Variants in MIA2 observed in about 807,000 individuals in gnomAD.
MIA2 encodes MIA SH3 domain ER export factor 2.
MIA2 carries 127 observed loss-of-function variants against 167.8 expected under a neutral mutation model. The ratio of observed to expected loss-of-function variants is 0.76; its 90% CI spans 0.66 to 0.88. The LOEUF is 0.88. Ranked by LOEUF, MIA2 falls within the 40% of genes least tolerant of loss-of-function variation. The pLI is 0.00. For synonymous variants in MIA2, 552 were observed against 541.9 expected (o/e 1.02, Z -0.26); for missense variants, 1,690 against 1,624.7 (o/e 1.04, Z -0.69).
rs750487896 is a variant in MIA2 at position 39,308,491 on chromosome 14, C to T, written c.2921C>T (p.Ser974Leu). 2.6e-6 allele frequency: 4 copies of T among 1,568,060 alleles called. No homozygotes were observed. The African/African-American group carries it at 5.5e-5, about 22-fold the overall frequency. Residue 974 changes from serine (S) to leucine (L), a missense_variant, in exon 18 of 29, where the codon TCA (serine) becomes TTA (leucine). Ser to Leu is a moderately radical substitution (Grantham distance 145, BLOSUM62 -2). Transcript: ENST00000640607. ...CAGACTGAACAAGCATCTTTGCAGT[C>T]AGAAAACACACATTTTGAAAATGAG... ...NLQTEQASLQ[S>L]ENTHFENENQ...
At chr14:39,384,518 T>A (rs955123086) in intron 23 of MIA2, among the ~76,000 whole-genome samples, 1 of 152,222 alleles carries the variant, frequency 6.6e-6, no homozygotes, top group African/African-American at 2.4e-5. Context: ...AATTTTTTTT[T>A]AAGTTCAATG....
chr14:39,238,362 G>A (rs538593338), intron 2 of MIA2, among the ~76,000 whole-genome samples: 4 of 151,548 alleles, frequency 2.6e-5, no homozygotes, highest in East Asian at 2.0e-4. Flanking sequence ...TAGTAGTGAC[G>A]GGGTTTCACC....
intron 6 of MIA2, chr14:39,266,539 A>T: frequency 1.0e-6 from 1 of 985,516 alleles, no homozygotes; most frequent in Non-Finnish European, 1.2e-6. Flanking sequence ...TAAGCGAGGA[A>T]ACCAGATCGA....
At chr14:39,309,405 G>A (rs960637429) in intron 18 of MIA2, among the ~76,000 whole-genome samples, 8 of 152,170 alleles carry the variant, frequency 5.3e-5, no homozygotes, top group African/African-American at 1.9e-4. Context: ...GCTTATTCAT[G>A]TTCTTTTTCC....
rs531164247 is a variant in MIA2, at chr14:39,360,228, G to C, written c.2248+11251G>C. Among the ~76,000 whole-genome samples the C allele has an allele frequency of 7.2e-5, 11 of 152,220 alleles. No homozygotes were observed. In the East Asian group the frequency reaches 1.9e-3, roughly 27 times the overall value. On this transcript the variant is annotated intron_variant, in intron 23 of 23. Coordinates refer to the MIA2 transcript ENST00000341502. ...GAGGGATGAGAATCATTTGAACCTGGGAGGCAGAGGTTGCAGTGAGCCAAG... is the reference window on the plus strand; with the variant it reads ...GAGGGATGAGAATCATTTGAACCTGCGAGGCAGAGGTTGCAGTGAGCCAAG...
intron 6 of MIA2, chr14:39,267,546 T>TA (rs751537355): frequency 6.2e-7 from 1 of 1,611,716 alleles, no homozygotes; most frequent in Non-Finnish European, 8.5e-7. Flanking sequence ...CGATGAGTGT[T>TA]ACGTGGCCCA....
chr14:39,309,800 T>TAA (rs2063911574), intron 18 of MIA2, among the ~76,000 whole-genome samples: 1 of 152,216 alleles, frequency 6.6e-6, no homozygotes, highest in African/African-American at 2.4e-5. Flanking sequence ...GTTTGTTGAA[T>TAA]ATATGTACAA....
intron 25 of MIA2, among the ~76,000 whole-genome samples, chr14:39,332,866 G>A (rs1269262226): frequency 6.6e-6 from 1 of 152,002 alleles, no homozygotes; most frequent in Non-Finnish European, 1.5e-5. Context: ...TTCCTATTTC[G>A]ACGTCTTGCC....
chr14:39,347,164 C>G (rs746467294), intron 26 of MIA2, among the ~76,000 whole-genome samples: 66 of 152,170 alleles, frequency 4.3e-4, no homozygotes, highest in Non-Finnish European at 8.5e-4. Context: ...GGAGGAAACT[C>G]AGTGGTCAGA....
intron 9 of MIA2, among the ~76,000 whole-genome samples, chr14:39,286,865 CTGTGTGTGTG>C (rs34075444): frequency 6.3e-5 from 9 of 142,064 alleles, no homozygotes; most frequent in East Asian, 2.3e-4. Flanking sequence ...GGCTATTTTT[CTGTGTGTGTG>C]TGTGTGTGTG....
At chr14:39,386,270 G>T (rs1308041492) in intron 23 of MIA2, 2 of 1,439,098 alleles carry the variant, frequency 1.4e-6, no homozygotes, top group Non-Finnish European at 2.0e-6. Context: ...TAACTCAGTC[G>T]GTAATTTCTC....
chr14:39,322,291 C>T (rs1026334243), intron 24 of MIA2, among the ~76,000 whole-genome samples: 4 of 151,928 alleles, frequency 2.6e-5, no homozygotes, highest in African/African-American at 7.3e-5. Flanking sequence ...GCCTGTAATC[C>T]CAGTATTTTG....
intron 25 of MIA2, among the ~76,000 whole-genome samples, chr14:39,332,935 C>G (rs544276354): frequency 1.3e-5 from 2 of 152,192 alleles, no homozygotes; most frequent in East Asian, 3.9e-4. Context: ...TCCTTGTCAT[C>G]TCCATTCTGT....
At chr14:39,244,102 A>C (rs964434039) in intron 3 of MIA2, among the ~76,000 whole-genome samples, 1 of 152,212 alleles carries the variant, frequency 6.6e-6, no homozygotes. Context: ...CCTTCCCTGG[A>C]ATGGGGGTCT....
chr14:39,343,263 G>A (rs1184994379), intron 25 of MIA2, among the ~76,000 whole-genome samples: 1 of 152,176 alleles, frequency 6.6e-6, no homozygotes, highest in Non-Finnish European at 1.5e-5. Flanking sequence ...TTGTGTCTCA[G>A]CCTCCCGAGT....
At chr14:39,235,115 A>C (rs2053671144) in intron 1 of MIA2, among the ~76,000 whole-genome samples, 1 of 151,088 alleles carries the variant, frequency 6.6e-6, no homozygotes, top group Non-Finnish European at 1.5e-5. Context: ...GGCTCACTGC[A>C]ACTTCTGCCT....
At chr14:39,274,725 C>T (rs1214017778) in intron 6 of MIA2, among the ~76,000 whole-genome samples, 4 of 151,404 alleles carry the variant, frequency 2.6e-5, no homozygotes, top group African/African-American at 9.7e-5. Flanking sequence ...CGTGCGTGGC[C>T]AAGACTCAGA....
chr14:39,260,569 G>C (rs565821687), intron 6 of MIA2, among the ~76,000 whole-genome samples: 1 of 152,232 alleles, frequency 6.6e-6, no homozygotes, highest in South Asian at 2.1e-4. Flanking sequence ...ATTTTTTCTT[G>C]TAAATTTTAT....
chr14:39,244,230 G>T (rs2054188933), intron 3 of MIA2, among the ~76,000 whole-genome samples: 1 of 152,222 alleles, frequency 6.6e-6, no homozygotes. Context: ...GAGAAAAGGG[G>T]TTCTGGTTTC....
Sources: allele counts gnomAD v4.1 joint callset (sites outside exome capture counted in the v4.1 genomes callset), GRCh38; gene constraint gnomAD v4.1.1; transcripts MANE v1.5; gene names NCBI Gene and HGNC (gene_info 2026-07-23, HGNC 2026-07-21).